Variants in AKAP13 observed in about 807,000 individuals in gnomAD.
AKAP13 encodes A-kinase anchor protein 13.
A neutral mutation model predicts 264.5 loss-of-function variants in AKAP13; 80 were observed. That is an observed-to-expected ratio of 0.30 (90% CI 0.25 to 0.36). The LOEUF is 0.36. AKAP13 is among the 10% of genes least tolerant of loss of function. The pLI is 1.00. For missense variants in AKAP13, 3,712 were observed against 3,435.2 expected, an observed-to-expected ratio of 1.08 and a Z score of -2.01; for synonymous variants, 1,380 against 1,250.2, an observed-to-expected ratio of 1.10 and a Z score of -2.19.
chr15:85,423,003 A>C (rs1196770218), intron 1 of AKAP13, among the ~76,000 whole-genome samples: 1 of 152,248 alleles, frequency 6.6e-6, no homozygotes, highest in African/African-American at 2.4e-5. Flanking sequence ...GCTGTAGTCT[A>C]GTAAGTGTGT....
chr15:85,473,771 T>G (rs185802806), intron 1 of AKAP13, among the ~76,000 whole-genome samples: 1 of 152,164 alleles, frequency 6.6e-6, no homozygotes, highest in African/African-American at 2.4e-5. Context: ...GGGGCCTCCC[T>G]CCTCTGTAGA....
At chr15:85,741,996 G>C (rs11073516) in intron 35 of AKAP13, among the ~76,000 whole-genome samples, 25,309 of 152,154 alleles carry the variant, frequency 0.17, 2,424 homozygotes, top group Non-Finnish European at 0.22. Context: ...AGCGAGCCGA[G>C]ATCTCGCCAC....
At chr15:85,496,416 C>T (rs1253805981) in intron 2 of AKAP13, among the ~76,000 whole-genome samples, 3 of 152,080 alleles carry the variant, frequency 2.0e-5, no homozygotes, top group Non-Finnish European at 2.9e-5. Context: ...CCTCAGAAGA[C>T]GAGCATGCAA....
intron 1 of AKAP13, among the ~76,000 whole-genome samples, chr15:85,418,357 C>T (rs2072343672): frequency 6.6e-6 from 1 of 152,158 alleles, no homozygotes; most frequent in African/African-American, 2.4e-5. Flanking sequence ...GCTGGGATTA[C>T]AGGGGTGAGC....
chr15:85,437,125 T>G (rs1364488175), intron 1 of AKAP13, among the ~76,000 whole-genome samples: 2 of 146,898 alleles, frequency 1.4e-5, no homozygotes, highest in Non-Finnish European at 3.0e-5. Context: ...CAATAAAAAA[T>G]GATAAAGGGG....
At chr15:85,547,449 C>T (rs901475936) in intron 5 of AKAP13, among the ~76,000 whole-genome samples, 1 of 148,702 alleles carries the variant, frequency 6.7e-6, no homozygotes, top group Non-Finnish European at 1.5e-5. Flanking sequence ...TATGATTAGC[C>T]ATTCTTGGAC....
At chr15:85,534,885 T>A (rs935215606) in intron 4 of AKAP13, 4 of 121,668 alleles carry the variant, frequency 3.3e-5, no homozygotes, top group African/African-American at 1.0e-4. Context: ...TACCTGGAGT[T>A]CAATAAGTAA....
chr15:85,544,894 G>A (rs1170750871), intron 5 of AKAP13, among the ~76,000 whole-genome samples: 1 of 152,182 alleles, frequency 6.6e-6, no homozygotes, highest in Non-Finnish European at 1.5e-5. Flanking sequence ...ATTTAATTTA[G>A]TTGTGCTTTA....
At chr15:85,586,115 A>G (rs530282735) in intron 8 of AKAP13, among the ~76,000 whole-genome samples, 2 of 152,222 alleles carry the variant, frequency 1.3e-5, no homozygotes, top group East Asian at 3.9e-4. Context: ...GTAAGCTTAA[A>G]TTGTCACAAA....
At chr15:85,419,378 G>A (rs1234108814) in intron 1 of AKAP13, among the ~76,000 whole-genome samples, 1 of 152,196 alleles carries the variant, frequency 6.6e-6, no homozygotes, top group African/African-American at 2.4e-5. Context: ...TCATACTGAT[G>A]AACTTGATCT....
rs906940576 is a variant in AKAP13 at position 85,485,628 on chromosome 15, T to G, written c.-11-82T>G. On this transcript the variant is annotated intron_variant, in intron 1 of 36. Coordinates refer to ENST00000394518, the MANE Select transcript of AKAP13 (RefSeq NM_007200.5). ...GGGATTGTACTCACAGAGCTATGCT[T>G]GACACCTAGGACTTTAGGTGGCTTA... The G allele has an allele frequency of 4.1e-6, 5 of 1,216,798 alleles. No individual in the cohort carries two copies. In the African/African-American group the frequency reaches 7.4e-5, roughly 18 times the overall value. 75.4% of individuals were successfully genotyped at this position (1,216,798 alleles called of 1,614,324 possible). A position where few individuals can be genotyped will look rare whatever the true frequency, so the allele number is the denominator to read the frequency against.
intron 2 of AKAP13, among the ~76,000 whole-genome samples, chr15:85,486,742 T>C (rs947130764): frequency 7.0e-6 from 1 of 143,590 alleles, no homozygotes; most frequent in Admixed American, 6.8e-5. Context: ...TTCAGTTCTT[T>C]TTTTTTTTTT....
intron 10 of AKAP13, chr15:85,651,750 C>T (rs535386035): frequency 6.6e-6 from 1 of 152,164 alleles, no homozygotes; most frequent in Non-Finnish European, 1.5e-5. Flanking sequence ...TCCATTCACA[C>T]CCTCTCAAGG....
intron 10 of AKAP13, among the ~76,000 whole-genome samples, chr15:85,649,997 T>G (rs2082729423): frequency 6.6e-6 from 1 of 152,240 alleles, no homozygotes; most frequent in Non-Finnish European, 1.5e-5. Context: ...TACAATTGAT[T>G]TAAAAAAATC....
chr15:85,447,639 G>A (rs1286078021), intron 1 of AKAP13, among the ~76,000 whole-genome samples: 1 of 151,822 alleles, frequency 6.6e-6, no homozygotes, highest in Non-Finnish European at 1.5e-5. Context: ...TTCTGTTCTT[G>A]TGTTAATTTG....
chr15:85,572,409 G>A (rs1053271747), intron 5 of AKAP13, among the ~76,000 whole-genome samples: 2 of 152,166 alleles, frequency 1.3e-5, no homozygotes, highest in East Asian at 1.9e-4. Flanking sequence ...TTCTTGAGTC[G>A]TTTCTTTGAA....
chr15:85,722,189 T>C, intron 24 of AKAP13, 41 bp from the exon 25 acceptor site: 1 of 1,607,102 alleles, frequency 6.2e-7, no homozygotes, highest in South Asian at 1.1e-5. Context: ...CACTAGAGCC[T>C]TTTTCATGTG....
At chr15:85,649,484 C>G (rs1218395722) in intron 10 of AKAP13, among the ~76,000 whole-genome samples, 1 of 152,222 alleles carries the variant, frequency 6.6e-6, no homozygotes, top group Non-Finnish European at 1.5e-5. Context: ...TTCTAACCCT[C>G]TTCTCCATCT....
At position 85,724,783 on chromosome 15, in the gene AKAP13, A is replaced by G. The variant is rs2087505284; in HGVS notation, c.6745+1463A>G. ...ACTGGTGACAGATAAGAGACTGTGCAGTGCTTTGGGGAAGAGCTCATCTGG... is the reference window on the plus strand; with the variant it reads ...ACTGGTGACAGATAAGAGACTGTGCGGTGCTTTGGGGAAGAGCTCATCTGG... On this transcript the variant is annotated intron_variant, in intron 26 of 36. Coordinates refer to ENST00000394518, the MANE Select transcript of AKAP13 (RefSeq NM_007200.5). This position sits in a 1 kb window ranked among gnomAD's most constrained non-coding sequence, Gnocchi z 4.2. Among the ~76,000 whole-genome samples the G allele has an allele frequency of 6.6e-6, 1 of 152,016 alleles. No homozygotes were observed. The highest frequency in any genetic ancestry group is 1.5e-5 in the Non-Finnish European group (1 of 68,022).
Sources: gnomAD v4.1 joint callset for allele counts (sites outside exome capture counted in the v4.1 genomes callset) on GRCh38, gnomAD v4.1.1 for gene constraint, Gnocchi (gnomAD v3.1) non-coding constraint, MANE v1.5 for transcripts, NCBI Gene and HGNC (gene_info 2026-07-23, HGNC 2026-07-21) for gene names.